Variants in HERC5 observed in about 807,000 individuals in gnomAD.
HERC5 encodes the protein E3 ISG15--protein ligase HERC5.
Under a neutral mutation model 119.6 loss-of-function variants are expected in HERC5, and 99 were observed. The ratio of observed to expected loss-of-function variants is 0.83; its 90% CI spans 0.70 to 0.98. The LOEUF is 0.98. Among genes scored for constraint, HERC5 ranks in the 50% least tolerant of loss-of-function variants. The probability of loss-of-function intolerance (pLI) is 0.00; values close to 1 mark genes in which losing one functional copy is unlikely to be tolerated. For synonymous variants in HERC5, 478 were observed against 445.9 expected, an observed-to-expected ratio of 1.07 and a Z score of -0.91; for missense variants, 1,267 against 1,241.3, an observed-to-expected ratio of 1.02 and a Z score of -0.31.
At chr4:88,478,923 T>C (rs1311766520) in intron 12 of HERC5, among the ~76,000 whole-genome samples, 2 of 151,552 alleles carry the variant, frequency 1.3e-5, no homozygotes, top group Non-Finnish European at 2.9e-5. Flanking sequence ...ACCAAAAAAA[T>C]GTTAATTTGC....
At chr4:88,492,027 A>G (rs1039367360) in intron 16 of HERC5, among the ~76,000 whole-genome samples, 1 of 151,904 alleles carries the variant, frequency 6.6e-6, no homozygotes, top group African/African-American at 2.4e-5. Flanking sequence ...TTTTTGAGAC[A>G]GAGTCTCACT....
intron 10 of HERC5, among the ~76,000 whole-genome samples, chr4:88,470,946 A>T (rs965155669): frequency 1.3e-5 from 2 of 152,058 alleles, no homozygotes; most frequent in African/African-American, 4.8e-5. Flanking sequence ...TTTAAAAAAA[A>T]TGAGATCATA....
At chr4:88,464,863 T>G (rs1436972571) in intron 6 of HERC5, among the ~76,000 whole-genome samples, 1 of 152,186 alleles carries the variant, frequency 6.6e-6, no homozygotes, top group African/African-American at 2.4e-5. Context: ...CTCCGCCTCC[T>G]GGGTTCACAC....
chr4:88,486,079 A>G (rs953855469), intron 13 of HERC5, 36 bp from the exon 14 acceptor site: 4 of 1,329,940 alleles, frequency 3.0e-6, no homozygotes, highest in African/African-American at 1.5e-5. Flanking sequence ...TTGTCTTTAA[A>G]TATAAAACTT....
intron 13 of HERC5, among the ~76,000 whole-genome samples, chr4:88,480,469 G>A (rs1470406008): frequency 6.6e-6 from 1 of 150,592 alleles, no homozygotes; most frequent in Admixed American, 6.6e-5. Flanking sequence ...CTTGTTGGGA[G>A]TTCCTCTATG....
intron 8 of HERC5, among the ~76,000 whole-genome samples, chr4:88,468,653 C>CT (rs1375067700): frequency 3.9e-5 from 6 of 152,172 alleles, no homozygotes; most frequent in African/African-American, 1.4e-4. Context: ...ATAGGCTATA[C>CT]TTACCTTTTG....
chr4:88,464,825 C>T (rs998676924), intron 6 of HERC5, among the ~76,000 whole-genome samples: 3 of 152,174 alleles, frequency 2.0e-5, no homozygotes, highest in East Asian at 1.9e-4. Flanking sequence ...GGCTGGAGTG[C>T]GGTGGCGCAA....
chr4:88,463,553 T>C lies in HERC5; in HGVS notation c.710T>C (p.Ile237Thr), dbSNP rs1740526001. Reference sequence around the variant, plus strand: ...ATAGGTAAAGATGATCCATCCCTTATTGAAGGACTAGACAATCAGAAAGTT... The same window carrying C: ...ATAGGTAAAGATGATCCATCCCTTACTGAAGGACTAGACAATCAGAAAGTT... ...HTESKDDPSL[I>T]EGLDNQKVEF... The change falls in exon 5 of 23, where the codon ATT (isoleucine) becomes ACT (threonine). Residue 237 changes from isoleucine to threonine, a missense_variant. Ile to Thr is a moderately conservative substitution (Grantham distance 89). Around this residue, in one of 3 missense-constraint regions of HERC5, gnomAD observed 777 missense variants for 758.0 expected, o/e 1.03. Transcript: ENST00000264350. 2 of 1,613,768 alleles carry C rather than the reference T, an allele frequency of 1.2e-6. No individual in the cohort carries two copies. Among genetic ancestry groups the C allele is most frequent in the South Asian group, 1.1e-5 (1 of 91,068 alleles).
At position 88,489,259 on chromosome 4, in the gene HERC5, A is replaced by G; in HGVS notation, c.2056A>G (p.Arg686Gly). The G allele has an allele frequency of 6.2e-7, 1 of 1,614,076 alleles. No individual in the cohort carries two copies. Among genetic ancestry groups the G allele is most frequent in the East Asian group, 2.2e-5 (1 of 44,886 alleles). The change falls in exon 16 of 23, where the codon AGA becomes GGA. Residue 686 changes from arginine (R) to glycine (G), a missense_variant. By Grantham distance (125) the Arg-to-Gly change is moderately radical (BLOSUM62 -2). Around this residue, in one of 3 missense-constraint regions of HERC5, gnomAD observed 473 missense variants for 445.7 expected, o/e 1.06. Transcript: ENST00000264350. ...GAGGCCCACGTTTGATCTAACAGTCAGAAGGAATCACTTGATTGAGGATGT... is the reference window on the plus strand; with the variant it reads ...GAGGCCCACGTTTGATCTAACAGTCGGAAGGAATCACTTGATTGAGGATGT... ...ALRPTFDLTV[R>G]RNHLIEDVLN...
chr4:88,481,719 G>C (rs1314517667), intron 13 of HERC5, among the ~76,000 whole-genome samples: 2 of 152,124 alleles, frequency 1.3e-5, no homozygotes, highest in Admixed American at 1.3e-4. Context: ...GGAGTAGCAT[G>C]AAAGCAGCCA....
chr4:88,467,178 TATC>T lies in HERC5; in HGVS notation c.1036_1038del (p.Ser347del). On this transcript the variant is annotated inframe_deletion, in exon 7 of 23. Transcript: ENST00000264350. ...CAGCTGATGCCGCTTCCAGTGAAAGTATCATCAAGTGAAGAACTCAAACTTGGT... is the reference window on the plus strand; with the variant it reads ...CAGCTGATGCCGCTTCCAGTGAAAGTATCAAGTGAAGAACTCAAACTTGGT... 1.2e-6 allele frequency: 2 copies of T among 1,614,164 alleles called. No homozygotes were observed. The highest frequency in any genetic ancestry group is 1.7e-6 in the Non-Finnish European group (2 of 1,180,008).
intron 1 of HERC5, 74 bp from the exon 2 acceptor site, chr4:88,459,273 T>A: frequency 8.1e-7 from 1 of 1,228,324 alleles, no homozygotes; most frequent in Non-Finnish European, 1.1e-6. Flanking sequence ...GTTTTAAGTG[T>A]ATTATAATGA....
At chr4:88,462,423 C>G in intron 4 of HERC5, 67 bp downstream of exon 4, 1 of 1,326,252 alleles carries the variant, frequency 7.5e-7, no homozygotes, top group Admixed American at 1.9e-5. Flanking sequence ...TAATGGACCT[C>G]CCTGTCAAAA....
intron 11 of HERC5, among the ~76,000 whole-genome samples, chr4:88,474,358 G>A (rs1740979904): frequency 6.6e-6 from 1 of 152,198 alleles, no homozygotes; most frequent in Non-Finnish European, 1.5e-5. Context: ...GGATATTCGA[G>A]GCAGCTAGAA....
rs1211887748 is a variant in HERC5 at position 88,493,066 on chromosome 4, T to C, written c.2188T>C (p.Phe730Leu). ...YDLGGVKKEF[F>L]YCLFAEMIQP... is the part of the protein sequence containing the mutation. ...CCTCGGAGGAGTCAAGAAAGAGTTC[T>C]TCTACTGTCTGTTTGCAGAGATGAT... The change falls in exon 17 of 23, where the codon TTC becomes CTC. Residue 730 changes from phenylalanine (F) to leucine (L), a missense_variant. By Grantham distance (22) the Phe-to-Leu change is conservative. Coordinates refer to ENST00000264350, the MANE Select transcript of HERC5 (RefSeq NM_016323.4). 1 of 1,614,096 alleles carries C rather than the reference T, an allele frequency of 6.2e-7. No homozygotes were observed. Among genetic ancestry groups the C allele is most frequent in the East Asian group, 2.2e-5 (1 of 44,870 alleles).
At chr4:88,490,686 A>G (rs1412649246) in intron 16 of HERC5, among the ~76,000 whole-genome samples, 2 of 152,166 alleles carry the variant, frequency 1.3e-5, no homozygotes, top group Non-Finnish European at 2.9e-5. Context: ...TCTACTAAAA[A>G]TACAAAAATT....
At chr4:88,466,897 A>G (rs767484869) in intron 6 of HERC5, among the ~76,000 whole-genome samples, 162 bp from the exon 7 acceptor site, 48 of 152,342 alleles carry the variant, frequency 3.2e-4, no homozygotes, top group Non-Finnish European at 1.2e-4. Flanking sequence ...AAGTCTTTTC[A>G]GGTACATGTT....
intron 16 of HERC5, among the ~76,000 whole-genome samples, chr4:88,492,228 T>A (rs1485231983): frequency 2.0e-5 from 3 of 151,604 alleles, no homozygotes; most frequent in Non-Finnish European, 4.4e-5. Context: ...GGTCACGAAC[T>A]CCTGACCTCA....
rs1486379953 is a variant in HERC5, at chr4:88,458,088, G to A, written c.265+554G>A. ...TTTATTTTGCGTTTAACTACTGGAC[G>A]TTTGCGTTCCTTTTTCGGTAAATTG... On this transcript the variant is annotated intron_variant, in intron 1 of 22. Transcript: ENST00000264350. The A allele has an allele frequency of 9.1e-6, 9 of 985,142 alleles. No homozygotes were observed. The African/African-American group carries it at 1.6e-4, about 17-fold the overall frequency. 61.0% of individuals were successfully genotyped at this position (985,142 alleles called of 1,614,324 possible). A position where few individuals can be genotyped will look rare whatever the true frequency, so the allele number is the denominator to read the frequency against.
Sources: gnomAD v4.1 joint callset for allele counts (sites outside exome capture counted in the v4.1 genomes callset) on GRCh38, gnomAD v4.1.1 for gene constraint, gnomAD v4.1.1 regional missense constraint, MANE v1.5 for transcripts, NCBI Gene and HGNC (gene_info 2026-07-23, HGNC 2026-07-21) for gene names.